The following CYP2F1 variants were observed in gnomAD, a reference collection of about 807,000 sequenced individuals.
The protein encoded by CYP2F1 is cytochrome P450 2F1.
A neutral mutation model predicts 40.4 loss-of-function variants in CYP2F1; 33 were observed. The ratio of observed to expected loss-of-function variants is 0.82; its 90% CI spans 0.62 to 1.09. CYP2F1 has a LOEUF of 1.09. Among genes scored for constraint, CYP2F1 ranks in the 50% least tolerant of loss-of-function variants. CYP2F1 has a pLI of 0.00. For synonymous variants in CYP2F1, 235 were observed against 277.2 expected (o/e 0.85, Z 1.51); for missense variants, 566 against 655.7 (o/e 0.86, Z 1.49).
chr19:41,125,193 C>T, intron 8 of CYP2F1: 1 of 588,940 alleles, frequency 1.7e-6, no homozygotes, highest in South Asian at 2.5e-5. Flanking sequence ...TGGAGGATCC[C>T]CTGGGCCTAA....
intron 7 of CYP2F1, among the ~76,000 whole-genome samples, chr19:41,124,092 C>T (rs911062113): frequency 2.6e-5 from 4 of 151,946 alleles, no homozygotes; most frequent in African/African-American, 9.7e-5. Flanking sequence ...AGCCCCAAAA[C>T]TGCTCCTGAA....
intron 7 of CYP2F1, chr19:41,123,391 T>C (rs2032351197): frequency 1.4e-5 from 5 of 348,804 alleles, no homozygotes; most frequent in Admixed American, 3.8e-5. Flanking sequence ...CTAATTTTTC[T>C]ATTTTTAGTA....
chr19:41,127,175 A>G (rs1176205214), intron 9 of CYP2F1, among the ~76,000 whole-genome samples: 3 of 152,128 alleles, frequency 2.0e-5, no homozygotes, highest in African/African-American at 4.8e-5. Context: ...GTCCACATCT[A>G]TAAAATGGAG....
At position 41,128,104 on chromosome 19, in the gene CYP2F1, G is replaced by C; in HGVS notation, c.*22G>C. 1.3e-6 allele frequency: 2 copies of C among 1,589,542 alleles called. No homozygotes were observed. Among genetic ancestry groups the C allele is most frequent in the Non-Finnish European group, 1.7e-6 (2 of 1,167,744 alleles). Reference sequence around the variant, plus strand: ...CTAACGCCCCGGCCCTTCCAGATTCGCCTGTGAGCGATGAGGCCCGCCCAT... The same window carrying C: ...CTAACGCCCCGGCCCTTCCAGATTCCCCTGTGAGCGATGAGGCCCGCCCAT... On this transcript the variant is annotated 3_prime_UTR_variant, in exon 10 of 10. Transcript: ENST00000331105.
At chr19:41,117,296 A>T (rs2031877015) in intron 3 of CYP2F1, among the ~76,000 whole-genome samples, 1 of 151,884 alleles carries the variant, frequency 6.6e-6, no homozygotes, top group Admixed American at 6.6e-5. Context: ...ACACCTGGTT[A>T]ATGTTTTGTA....
At chr19:41,123,085 A>AG in intron 7 of CYP2F1, 122 bp downstream of exon 7, 1 of 1,192,690 alleles carries the variant, frequency 8.4e-7, no homozygotes, top group Non-Finnish European at 1.2e-6. Context: ...AGGATTCCAC[A>AG]GCCAAACCCA....
chr19:41,124,859 C>T lies in CYP2F1; in HGVS notation c.1105C>T (p.His369Tyr). Residue 369 changes from histidine (H) to tyrosine (Y), a missense_variant, in exon 8 of 10, where the codon CAC (histidine) becomes TAC (tyrosine). Physicochemically the swap from His to Tyr is moderately conservative, Grantham distance 83. Around this residue, in one of 5 missense-constraint regions of CYP2F1, gnomAD observed 128 missense variants for 121.0 expected, o/e 1.06. Transcript: ENST00000331105. ...FADIIPMNLP[H>Y]RVTRDTAFRG... Reference sequence around the variant, plus strand: ...AGACATCATCCCCATGAACTTGCCGCACCGCGTCACTAGGGACACGGCCTT... The same window carrying T: ...AGACATCATCCCCATGAACTTGCCGTACCGCGTCACTAGGGACACGGCCTT... 6.2e-7 allele frequency: 1 copy of T among 1,611,000 alleles called. No homozygotes were observed. Among genetic ancestry groups the T allele is most frequent in the South Asian group, 1.1e-5 (1 of 90,926 alleles).
intron 6 of CYP2F1, among the ~76,000 whole-genome samples, chr19:41,122,397 C>G (rs990019123): frequency 1.3e-5 from 2 of 151,956 alleles, no homozygotes; most frequent in African/African-American, 4.8e-5. Flanking sequence ...TTTGGAAGGC[C>G]GAGGCAGGAG....
In CYP2F1 at chr19:41,128,117, G is replaced by A. The variant is rs774022788; in HGVS notation, c.*35G>A. The A allele has an allele frequency of 6.3e-7, 1 of 1,580,950 alleles. No individual in the cohort carries two copies. The highest frequency in any genetic ancestry group is 8.6e-7 in the Non-Finnish European group (1 of 1,163,388). On this transcript the variant is annotated 3_prime_UTR_variant, in exon 10 of 10. Coordinates refer to ENST00000331105, the MANE Select transcript of CYP2F1 (RefSeq NM_000774.5). The stretch of plus-strand genomic sequence containing the variant: ...CCTTCCAGATTCGCCTGTGAGCGAT[G>A]AGGCCCGCCCATGCGGGTTGCTACG...
At chr19:41,124,257 T>TCCCCCC (rs1568381454) in intron 7 of CYP2F1, among the ~76,000 whole-genome samples, 1 of 20,760 alleles carries the variant, frequency 4.8e-5, no homozygotes, top group African/African-American at 1.7e-4. Flanking sequence ...CCCCCCCCCT[T>TCCCCCC]TTTTTTTTTT....
Position 41,116,178 on chromosome 19 carries a change from C to T in CYP2F1, c.-11C>T, listed in dbSNP as rs1227422562. On this transcript the variant is annotated splice_region_variant and 5_prime_UTR_variant, in exon 2 of 10. Coordinates refer to ENST00000331105, the MANE Select transcript of CYP2F1 (RefSeq NM_000774.5). ...CACTTTGCCCTCCACACGCCAGCAG[C>T]TGCCTTCACCATGGACAGCATAAGC... is the stretch of plus-strand genomic sequence containing the variant. The T allele has an allele frequency of 6.2e-7, 1 of 1,605,100 alleles. No individual in the cohort carries two copies. Among genetic ancestry groups the T allele is most frequent in the Admixed American group, 1.7e-5 (1 of 59,116 alleles).
At chr19:41,116,056 CT>C (rs2031775478) in intron 1 of CYP2F1, 121 bp from the exon 2 acceptor site, 4 of 902,432 alleles carry the variant, frequency 4.4e-6, no homozygotes, top group Non-Finnish European at 6.6e-6. Context: ...CCCCTGGCCT[CT>C]CCCTGTCTCC....
Position 41,120,395 on chromosome 19 carries a change from C to G in CYP2F1, c.383C>G (p.Ser128Cys), listed in dbSNP as rs777890391. Residue 128 changes from serine (S) to cysteine (C), a missense_variant, in exon 4 of 10, where the codon TCT (serine) becomes TGT (cysteine). Ser to Cys is a moderately radical substitution (Grantham distance 112). Around this residue, in one of 5 missense-constraint regions of CYP2F1, gnomAD observed 264 missense variants for 275.7 expected, o/e 0.96. Transcript: ENST00000331105. Reference protein sequence around the residue: ...GDRWKVLRQFSIQILRNFGMG... With the variant: ...GDRWKVLRQFCIQILRNFGMG... ...CGATGGAAGGTCCTGAGACAGTTCT[C>G]TATCCAGATTCTACGGAATTTCGGG... The G allele has an allele frequency of 6.2e-7, 1 of 1,614,074 alleles. No homozygotes were observed.
intron 7 of CYP2F1, among the ~76,000 whole-genome samples, chr19:41,124,250 C>G (rs1341304759): frequency 6.8e-5 from 7 of 102,750 alleles, no homozygotes; most frequent in East Asian, 3.3e-4. Context: ...CCTCTTCCCC[C>G]CCCCCTTTTT....
At chr19:41,117,582 A>T (rs2031896103) in intron 3 of CYP2F1, among the ~76,000 whole-genome samples, 2 of 152,090 alleles carry the variant, frequency 1.3e-5, no homozygotes, top group African/African-American at 2.4e-5. Context: ...CCCAACCCCA[A>T]GTTCAAGCTC....
At chr19:41,115,537 T>C (rs2031739233) in intron 1 of CYP2F1, among the ~76,000 whole-genome samples, 1 of 151,862 alleles carries the variant, frequency 6.6e-6, no homozygotes, top group Admixed American at 6.6e-5. Flanking sequence ...AGACAGGTGA[T>C]GATAGATAGA....
chr19:41,126,763 A>C (rs2032560927), intron 9 of CYP2F1, among the ~76,000 whole-genome samples: 1 of 152,108 alleles, frequency 6.6e-6, no homozygotes, highest in African/African-American at 2.4e-5. Flanking sequence ...TAAAATAAAA[A>C]ATACTGACTA....
chr19:41,123,132 A>G (rs780092368), intron 7 of CYP2F1, 169 bp downstream of exon 7: 3 of 758,458 alleles, frequency 4.0e-6, no homozygotes, highest in Admixed American at 2.0e-5. Flanking sequence ...CACATGGCCC[A>G]TGAGGTCCAT....
intron 7 of CYP2F1, among the ~76,000 whole-genome samples, chr19:41,124,326 T>C (rs1483403717): frequency 7.6e-6 from 1 of 131,218 alleles, no homozygotes; most frequent in Non-Finnish European, 1.6e-5. Context: ...TGCAGTGGCC[T>C]GATCCCAGCT....
Sources: allele counts gnomAD v4.1 joint callset (sites outside exome capture counted in the v4.1 genomes callset), GRCh38; gene constraint gnomAD v4.1.1; regional missense constraint gnomAD v4.1.1; transcripts MANE v1.5; gene names NCBI Gene and HGNC (gene_info 2026-07-23, HGNC 2026-07-21).